Variants in STAU1 observed in about 807,000 individuals in gnomAD.
STAU1 encodes the protein double-stranded RNA-binding protein Staufen homolog 1.
STAU1 carries 13 observed loss-of-function variants against 62.9 expected under a neutral mutation model. That is an observed-to-expected ratio of 0.21 (90% CI 0.13 to 0.33). The LOEUF (loss-of-function observed/expected upper bound fraction) is 0.33, where lower values mean the gene tolerates loss of function less well. Ranked by LOEUF, STAU1 falls within the 10% of genes least tolerant of loss-of-function variation. The pLI is 1.00. For missense variants in STAU1, 571 were observed against 712.1 expected (o/e 0.80, Z 2.25); for synonymous variants, 269 against 265.1 (o/e 1.01, Z -0.14).
chr20:49,197,622 G>A, the STAU1 span, among the ~76,000 whole-genome samples: 2 of 150,686 alleles, frequency 1.3e-5, no homozygotes, highest in Non-Finnish European at 3.0e-5. Context: ...GGCTGGTCTC[G>A]AACTCCCGAC....
Position 49,154,027 on chromosome 20 carries a change from G to A in STAU1, c.250C>T (p.Leu84Phe). 1 of 1,613,178 alleles carries A rather than the reference G, an allele frequency of 6.2e-7. No homozygotes were observed. Among genetic ancestry groups the A allele is most frequent in the Non-Finnish European group, 8.5e-7 (1 of 1,179,842 alleles). The change falls in exon 4 of 14, where the codon CTT becomes TTT. Residue 84 changes from leucine (L) to phenylalanine (F), a missense_variant. By Grantham distance (22) the Leu-to-Phe change is conservative. Coordinates refer to ENST00000371856, the MANE Select transcript of STAU1 (RefSeq NM_017453.4). ...GGCTTATACATTGGTTTTTTTCCAA[G>A]TTTCATGCACAGTGCATTTAGTTCT... ...TVELNALCMK[L>F]GKKPMYKPVD...
upstream of STAU1, among the ~76,000 whole-genome samples, chr20:49,190,804 T>C (rs2093830169): frequency 2.0e-5 from 3 of 152,288 alleles, no homozygotes; most frequent in South Asian, 6.2e-4. Flanking sequence ...TTAAGTATGT[T>C]ACGATAAATT....
At chr20:49,123,679 CCA>C (rs2092522608) in intron 7 of STAU1, among the ~76,000 whole-genome samples, 2 of 152,140 alleles carry the variant, frequency 1.3e-5, no homozygotes, top group African/African-American at 4.8e-5. Flanking sequence ...CCTCAGAATC[CCA>C]GTTACTTCCT....
chr20:49,216,007 CAAAAAAAAAAAAAAAAAA>C, the STAU1 span, among the ~76,000 whole-genome samples: 1 of 36,452 alleles, frequency 2.7e-5, no homozygotes, highest in Non-Finnish European at 5.1e-5. Flanking sequence ...GACTATGTCT[CAAAAAAAAAAAAAAAAAA>C]AAAAAAAAAA....
At chr20:49,149,838 T>C in intron 5 of STAU1, among the ~76,000 whole-genome samples, 1 of 152,194 alleles carries the variant, frequency 6.6e-6, no homozygotes, top group Middle Eastern at 3.2e-3. Context: ...CCAAGTTGGG[T>C]CACCCTGGGT....
chr20:49,144,878 T>C (rs2093091876), intron 5 of STAU1, among the ~76,000 whole-genome samples: 2 of 152,170 alleles, frequency 1.3e-5, no homozygotes, highest in South Asian at 4.1e-4. Flanking sequence ...AGATGATGAA[T>C]AGTATTGAAA....
chr20:49,131,840 C>T (rs1239714307), intron 6 of STAU1, among the ~76,000 whole-genome samples: 1 of 90,504 alleles, frequency 1.1e-5, no homozygotes, highest in African/African-American at 3.9e-5. Context: ...TAGGCTCCGT[C>T]ACAAAAAAAA....
chr20:49,166,148 G>T lies in STAU1; in HGVS notation c.54C>A (p.Ser18Arg). ...GAGACTGGTTCTTGTTCAGTATTTG[G>T]CTCCCTGAGAGAGCAGCAGATGGGT... The part of the protein sequence containing the change: ...VQNPSAALSG[S>R]QILNKNQSLL... Residue 18 changes from serine (S) to arginine (R), a missense_variant, in exon 3 of 14, where the codon AGC becomes AGA. By Grantham distance (110) the Ser-to-Arg change is moderately radical (BLOSUM62 -1). Coordinates refer to ENST00000371856, the MANE Select transcript of STAU1 (RefSeq NM_017453.4). The T allele has an allele frequency of 6.2e-7, 1 of 1,614,148 alleles. No individual in the cohort carries two copies. The highest frequency in any genetic ancestry group is 8.5e-7 in the Non-Finnish European group (1 of 1,180,018).
At chr20:49,120,808 TG>T (rs1335387321) in intron 8 of STAU1, among the ~76,000 whole-genome samples, 6 of 152,136 alleles carry the variant, frequency 3.9e-5, no homozygotes, top group Non-Finnish European at 2.9e-5. Flanking sequence ...TTTTCTTTTT[TG>T]GGATAGACAG....
chr20:49,206,901 G>A, the STAU1 span, among the ~76,000 whole-genome samples: 3 of 150,666 alleles, frequency 2.0e-5, no homozygotes, highest in Non-Finnish European at 4.4e-5. Context: ...GATTACAGGC[G>A]TGCGCCACCA....
At chr20:49,187,195 C>T (rs1359004279) in intron 1 of STAU1, among the ~76,000 whole-genome samples, 2 of 152,134 alleles carry the variant, frequency 1.3e-5, no homozygotes, top group African/African-American at 4.8e-5. Context: ...AATGGAATGA[C>T]AAGAAGAAGC....
rs1458233252 is a variant in STAU1 at position 49,113,657 on chromosome 20, C to G, written c.*1221G>C. On this transcript the variant is annotated 3_prime_UTR_variant, in exon 14 of 14. Transcript: ENST00000371856. The stretch of plus-strand genomic sequence containing the variant: ...TACCAGGCTTTCCATACGGACCACA[C>G]GCAGAGCCTCAGTGCACACACTTCT... 6.6e-6 allele frequency: 1 copy of G among 152,584 alleles called. No homozygotes were observed. The highest frequency in any genetic ancestry group is 1.5e-5 in the Non-Finnish European group (1 of 68,046). The allele number at this position is 152,584 out of a possible 1,614,324, so 9.5% of individuals were successfully genotyped here.
chr20:49,145,170 A>T (rs62210404), intron 5 of STAU1, among the ~76,000 whole-genome samples: 13,771 of 152,240 alleles, frequency 0.09, 823 homozygotes, highest in Non-Finnish European at 0.12. Flanking sequence ...TCACGCCTGT[A>T]ATCCCAGCAC....
the STAU1 span, among the ~76,000 whole-genome samples, chr20:49,199,477 C>A: frequency 2.0e-5 from 3 of 151,726 alleles, no homozygotes; most frequent in Admixed American, 6.6e-5. Flanking sequence ...GATCCGCCCA[C>A]CTCGGCCTCC....
chr20:49,126,313 A>G (rs555517757), intron 6 of STAU1, among the ~76,000 whole-genome samples: 2 of 151,780 alleles, frequency 1.3e-5, no homozygotes, highest in African/African-American at 4.8e-5. Flanking sequence ...TGTAATCCCA[A>G]CGCTCTGGGA....
At chr20:49,214,020 C>T in the STAU1 span, among the ~76,000 whole-genome samples, 7,855 of 148,504 alleles carry the variant, frequency 0.053, 669 homozygotes, top group African/African-American at 0.18. Context: ...AGACCAGCCT[C>T]GCCAACATGG....
At chr20:49,148,026 A>G (rs575392247) in intron 5 of STAU1, among the ~76,000 whole-genome samples, 1 of 152,332 alleles carries the variant, frequency 6.6e-6, no homozygotes, top group South Asian at 2.1e-4. Flanking sequence ...AATTTTTTAT[A>G]GTCCATATGC....
chr20:49,195,917 AG>A, the STAU1 span, among the ~76,000 whole-genome samples: 8 of 74,376 alleles, frequency 1.1e-4, no homozygotes, highest in South Asian at 7.6e-4. Flanking sequence ...AAAAAAAAAA[AG>A]AAAAAAGAAA....
At position 49,149,096 on chromosome 20, in the gene STAU1, C is replaced by T. The variant is rs192076148; in HGVS notation, c.510+2486G>A. ...TGAAACCCCATCTCTACTAAAAATA[C>T]AAAAATTAGCTGGGCGTGGTGGTGA... is the stretch of plus-strand genomic sequence containing the variant. On this transcript the variant is annotated intron_variant, in intron 5 of 13. Transcript: ENST00000371856. Among the ~76,000 whole-genome samples the T allele has an allele frequency of 3.4e-3, 524 of 152,134 alleles. 5 individuals carry two copies. Among genetic ancestry groups the T allele is most frequent in the South Asian group, 0.013 (61 of 4,816 alleles).
Sources: allele counts gnomAD v4.1 joint callset (sites outside exome capture counted in the v4.1 genomes callset), GRCh38; gene constraint gnomAD v4.1.1; transcripts MANE v1.5; gene names NCBI Gene and HGNC (gene_info 2026-07-23, HGNC 2026-07-21).